Variants in LCLAT1 observed in about 807,000 individuals in gnomAD.
LCLAT1 encodes the protein lysocardiolipin acyltransferase 1.
LCLAT1 carries 11 observed loss-of-function variants against 30.7 expected under a neutral mutation model. That is an observed-to-expected ratio of 0.36 (90% CI 0.23 to 0.59). The LOEUF (loss-of-function observed/expected upper bound fraction) is 0.59. Among genes scored for constraint, LCLAT1 ranks in the 20% least tolerant of loss-of-function variants. The pLI is 0.77. For synonymous variants in LCLAT1, 155 were observed against 151.3 expected (o/e 1.02, Z -0.18); for missense variants, 402 against 458.6 (o/e 0.88, Z 1.13).
At chr2:30,477,912 C>T (rs1683127651) in intron 1 of LCLAT1, among the ~76,000 whole-genome samples, 1 of 151,868 alleles carries the variant, frequency 6.6e-6, no homozygotes, top group Admixed American at 6.6e-5. Context: ...TACGATTTTC[C>T]TTCTGTTTTT....
chr2:30,631,196 T>A (rs1275538371), intron 5 of LCLAT1, among the ~76,000 whole-genome samples: 1 of 152,198 alleles, frequency 6.6e-6, no homozygotes, highest in Non-Finnish European at 1.5e-5. Flanking sequence ...TTCTGACCTC[T>A]ATGGTGTCAG....
rs142703876 is a variant in LCLAT1 at position 30,518,280 on chromosome 2, A to T, written c.-4-7307A>T. ...ATACAAAGTTCTAACCAGACCTAGG[A>T]GGAACTTCCTTGAGGACAGGACAAT... On this transcript the variant is annotated intron_variant, in intron 1 of 5. Transcript: ENST00000379509. Among the ~76,000 whole-genome samples, 34 of 152,338 alleles carry T rather than the reference A, an allele frequency of 2.2e-4. 1 individual carries two copies. The East Asian group carries it at 6.0e-3, about 27-fold the overall frequency.
chr2:30,627,928 A>C (rs1668591523), intron 5 of LCLAT1, among the ~76,000 whole-genome samples: 3 of 152,198 alleles, frequency 2.0e-5, no homozygotes. Context: ...TTTAAATTCA[A>C]AACTTTAAGT....
At chr2:30,609,769 A>G (rs1326002827) in intron 5 of LCLAT1, among the ~76,000 whole-genome samples, 1 of 152,030 alleles carries the variant, frequency 6.6e-6, no homozygotes, top group Non-Finnish European at 1.5e-5. Context: ...TTTTCTATTA[A>G]CTTGTATTCG....
intron 2 of LCLAT1, among the ~76,000 whole-genome samples, chr2:30,528,799 A>T (rs1685857301): frequency 6.6e-6 from 1 of 152,220 alleles, no homozygotes; most frequent in African/African-American, 2.4e-5. Context: ...GCTGTCACTC[A>T]GCTGTTTAGT....
In LCLAT1 at chr2:30,509,627, C is replaced by T. The variant is rs140148546; in HGVS notation, c.-4-15960C>T. Among the ~76,000 whole-genome samples, 1,424 of 151,626 alleles carry T rather than the reference C, an allele frequency of 9.4e-3. 29 individuals carry two copies. The highest frequency in any genetic ancestry group is 0.032 in the African/African-American group (1,336 of 41,166). On this transcript the variant is annotated intron_variant, in intron 1 of 5. Coordinates refer to ENST00000379509, the MANE Select transcript of LCLAT1 (RefSeq NM_001002257.3). ...TCATTGTCTCCCCCAGGCTGGAGTGCAGTGGCCTGATCACTGCAACCTCTG... is the reference window on the plus strand; with the variant it reads ...TCATTGTCTCCCCCAGGCTGGAGTGTAGTGGCCTGATCACTGCAACCTCTG...
chr2:30,591,073 G>T (rs1183017606), intron 5 of LCLAT1, among the ~76,000 whole-genome samples: 1 of 151,914 alleles, frequency 6.6e-6, no homozygotes, highest in Non-Finnish European at 1.5e-5. Flanking sequence ...AAATGTTATA[G>T]CTATTGAGGA....
At chr2:30,468,763 A>G (rs1347978802) in intron 1 of LCLAT1, among the ~76,000 whole-genome samples, 2 of 152,226 alleles carry the variant, frequency 1.3e-5, no homozygotes, top group African/African-American at 2.4e-5. Context: ...AATATTTCAT[A>G]TAAATGAAAT....
chr2:30,571,497 T>G (rs188451670), intron 5 of LCLAT1, among the ~76,000 whole-genome samples: 998 of 152,338 alleles, frequency 6.6e-3, no homozygotes, highest in African/African-American at 0.023. Context: ...TCTTAGATTT[T>G]TGCTTACTGC....
intron 5 of LCLAT1, among the ~76,000 whole-genome samples, chr2:30,616,460 A>C (rs1321810545): frequency 6.6e-6 from 1 of 152,182 alleles, no homozygotes; most frequent in Non-Finnish European, 1.5e-5. Context: ...TAATCTAATA[A>C]ATTAGAGCTA....
intron 1 of LCLAT1, among the ~76,000 whole-genome samples, chr2:30,497,708 G>A (rs979692382): frequency 2.0e-5 from 3 of 151,954 alleles, no homozygotes; most frequent in African/African-American, 7.3e-5. Context: ...TTTAAACTGA[G>A]CTTTGCTTTG....
chr2:30,453,214 G>A (rs1195937848), intron 1 of LCLAT1, among the ~76,000 whole-genome samples: 3 of 152,096 alleles, frequency 2.0e-5, no homozygotes, highest in Admixed American at 6.6e-5. Context: ...TCTACTGGTG[G>A]TATCACAAAG....
intron 3 of LCLAT1, chr2:30,552,447 T>G: frequency 2.4e-6 from 1 of 409,474 alleles, no homozygotes. Context: ...TATGTAATTA[T>G]TACTTGCTCA....
chr2:30,537,328 C>G (rs1029953995), intron 3 of LCLAT1, among the ~76,000 whole-genome samples: 2 of 151,638 alleles, frequency 1.3e-5, no homozygotes, highest in East Asian at 3.9e-4. Context: ...TTGCAGTGAG[C>G]CGAGATTGCG....
chr2:30,584,597 T>A (rs1666346824), intron 5 of LCLAT1, among the ~76,000 whole-genome samples: 1 of 152,174 alleles, frequency 6.6e-6, no homozygotes, highest in African/African-American at 2.4e-5. Flanking sequence ...TTGCTGTAAT[T>A]CTTTCTAGTT....
chr2:30,521,213 C>T (rs535450592), intron 1 of LCLAT1, among the ~76,000 whole-genome samples: 12 of 152,308 alleles, frequency 7.9e-5, no homozygotes, highest in East Asian at 5.8e-4. Flanking sequence ...AAAGGGAATG[C>T]ATGAATAATC....
intron 1 of LCLAT1, among the ~76,000 whole-genome samples, chr2:30,452,498 A>G (rs945397681): frequency 1.3e-5 from 2 of 152,336 alleles, no homozygotes; most frequent in Middle Eastern, 3.4e-3. Context: ...TTATGCCCCA[A>G]GCACTCCACA....
chr2:30,564,458 T>C (rs1392356337), intron 4 of LCLAT1, among the ~76,000 whole-genome samples: 1 of 149,348 alleles, frequency 6.7e-6, no homozygotes, highest in African/African-American at 2.4e-5. Flanking sequence ...AGGTTTCTTT[T>C]TGTAGGTGAT....
chr2:30,519,243 T>C (rs1462801100), intron 1 of LCLAT1, among the ~76,000 whole-genome samples: 3 of 152,208 alleles, frequency 2.0e-5, no homozygotes, highest in Non-Finnish European at 4.4e-5. Flanking sequence ...TAAGTTTGTC[T>C]CTTCCAGAAT....
Sources: gnomAD v4.1 joint callset for allele counts (sites outside exome capture counted in the v4.1 genomes callset) on GRCh38, gnomAD v4.1.1 for gene constraint, MANE v1.5 for transcripts, NCBI Gene and HGNC (gene_info 2026-07-23, HGNC 2026-07-21) for gene names.